The following RHD variants were observed in gnomAD, a reference collection of about 807,000 sequenced individuals.
RHD encodes blood group Rh(D) polypeptide.
In RHD, 16 loss-of-function variants were observed where a neutral mutation model predicts 45.5. The ratio of observed to expected loss-of-function variants is 0.35; its 90% CI spans 0.24 to 0.53. The LOEUF (loss-of-function observed/expected upper bound fraction) is 0.53, where lower values mean the gene tolerates loss of function less well. Among genes scored for constraint, RHD ranks in the 20% least tolerant of loss-of-function variants. The pLI is 0.92. For missense variants in RHD, 306 were observed against 532.0 expected, an observed-to-expected ratio of 0.58 and a Z score of 4.18; for synonymous variants, 131 against 217.5, an observed-to-expected ratio of 0.60 and a Z score of 3.50.
At chr1:25,322,183 A>G (rs898643039) in intron 9 of RHD, among the ~76,000 whole-genome samples, 2 of 131,472 alleles carry the variant, frequency 1.5e-5, no homozygotes, top group African/African-American at 5.2e-5. Flanking sequence ...TGATACCTCA[A>G]ATTCATTCAG....
chr1:25,312,941 A>AAAAAAAAAAAAAAAC (rs1301877779), intron 7 of RHD, among the ~76,000 whole-genome samples: 4 of 109,426 alleles, frequency 3.7e-5, no homozygotes, highest in Non-Finnish European at 6.7e-5. Flanking sequence ...AAAAAAAAAA[A>AAAAAAAAAAAAAAAC]AAAAAAAAAA....
chr1:25,301,872 G>A (rs529420905), intron 5 of RHD, among the ~76,000 whole-genome samples, 186 bp downstream of exon 5: 1 of 131,940 alleles, frequency 7.6e-6, no homozygotes, highest in African/African-American at 2.6e-5. Context: ...TGGGACTCAG[G>A]AGACTGTCCA....
chr1:25,274,374 A>T lies in RHD; in HGVS notation c.148+1679A>T, dbSNP rs1640753811. On this transcript the variant is annotated intron_variant, in intron 1 of 9. Coordinates refer to ENST00000328664, the MANE Select transcript of RHD (RefSeq NM_016124.6). Reference sequence around the variant, plus strand: ...TTTACAGTGGGCTTGAGTCTTTGTCATATAACCCAGTAGGTTAGCAGCCAC... The same window carrying T: ...TTTACAGTGGGCTTGAGTCTTTGTCTTATAACCCAGTAGGTTAGCAGCCAC... Among the ~76,000 whole-genome samples the T allele has an allele frequency of 3.0e-5, 4 of 132,672 alleles. No individual in the cohort carries two copies. The South Asian group carries it at 9.2e-4, about 31-fold the overall frequency. The allele number at this position is 132,672 out of a possible 152,430, so 87.0% of individuals were successfully genotyped here. A position where few individuals can be genotyped will look rare whatever the true frequency, so the allele number is the denominator to read the frequency against.
rs1640852380 is a variant in RHD, at chr1:25,275,173, C to T, written c.148+2478C>T. 1.5e-5 allele frequency among the ~76,000 whole-genome samples: 2 copies of T among 131,724 alleles called. 1 individual carries two copies. The highest frequency in any genetic ancestry group is 3.6e-5 in the Non-Finnish European group (2 of 55,672). 86.4% of individuals were successfully genotyped at this position (131,724 alleles called of 152,430 possible). On this transcript the variant is annotated intron_variant, in intron 1 of 9. Coordinates refer to ENST00000328664, the MANE Select transcript of RHD (RefSeq NM_016124.6). ...GATGTGGTGGCACGTGCCTGTAGTC[C>T]CAGCTGCTTGGGAAGCTGAGGGAGG...
Position 25,321,751 on chromosome 1 carries a change from T to C in RHD, c.1154-138T>C, listed in dbSNP as rs1442219150. ...TGGTCCAGGAATGACAGGGCTTCCA[T>C]TTATTTGTCTTTCAATTGTGGGAGA... On this transcript the variant is annotated intron_variant, in intron 8 of 9. Transcript: ENST00000328664. 11 of 439,598 alleles carry C rather than the reference T, an allele frequency of 2.5e-5. No homozygotes were observed. In the East Asian group the frequency reaches 2.8e-4, roughly 11 times the overall value. 27.2% of individuals were successfully genotyped at this position (439,598 alleles called of 1,614,324 possible). A position where few individuals can be genotyped will look rare whatever the true frequency, so the allele number is the denominator to read the frequency against.
chr1:25,274,891 G>C lies in RHD; in HGVS notation c.148+2196G>C, dbSNP rs759019696. 2.3e-5 allele frequency among the ~76,000 whole-genome samples: 3 copies of C among 129,350 alleles called. 1 individual carries two copies. The highest frequency in any genetic ancestry group is 5.5e-5 in the Non-Finnish European group (3 of 54,524). The allele number at this position is 129,350 out of a possible 152,430, so 84.9% of individuals were successfully genotyped here. On this transcript the variant is annotated intron_variant, in intron 1 of 9. Transcript: ENST00000328664. ...GTGTGGTGGCACACGTCTATAATCC[G>C]AGCTACTTGGGAGGCCATTACACTC...
Position 25,296,911 on chromosome 1 carries a change from T to A in RHD, c.487-4035T>A. ...GTCTCAGGAAGTATCTTTATAGCAG[T>A]GTGAAAACAGACTAACACAATTTCC... On this transcript the variant is annotated intron_variant, in intron 3 of 9. Coordinates refer to ENST00000328664, the MANE Select transcript of RHD (RefSeq NM_016124.6). Among the ~76,000 whole-genome samples, 2 of 130,524 alleles carry A rather than the reference T, an allele frequency of 1.5e-5. 1 individual carries two copies. Among genetic ancestry groups the A allele is most frequent in the Non-Finnish European group, 3.6e-5 (2 of 55,488 alleles). The allele number at this position is 130,524 out of a possible 152,430, so 85.6% of individuals were successfully genotyped here.
chr1:25,320,418 G>A (rs571129251), intron 8 of RHD, among the ~76,000 whole-genome samples: 1 of 132,224 alleles, frequency 7.6e-6, no homozygotes, highest in South Asian at 2.3e-4. Flanking sequence ...TCAGTGATGA[G>A]TAAGCCTCAG....
intron 8 of RHD, 116 bp from the exon 9 acceptor site, chr1:25,321,773 G>C: frequency 1.9e-6 from 1 of 524,334 alleles, no homozygotes; most frequent in South Asian, 1.9e-5. Context: ...TCAATTGTGG[G>C]AGAAAAAGGA....
intron 2 of RHD, among the ~76,000 whole-genome samples, chr1:25,289,990 G>A (rs1232110026): frequency 7.8e-6 from 1 of 128,764 alleles, no homozygotes; most frequent in Admixed American, 7.5e-5. Flanking sequence ...CACACCGATA[G>A]GAAGAATACT....
Position 25,307,109 on chromosome 1 carries a change from T to C in RHD, c.1073+380T>C, listed in dbSNP as rs1353166350. On this transcript the variant is annotated intron_variant, in intron 7 of 9. Coordinates refer to ENST00000328664, the MANE Select transcript of RHD (RefSeq NM_016124.6). ...CTAGCTGGGCATGTGGCTTAACCTT[T>C]CTCAGCCTCAGTCGCCCCATTGTAA... Among the ~76,000 whole-genome samples the C allele has an allele frequency of 2.3e-5, 3 of 132,752 alleles. 1 individual carries two copies. Among genetic ancestry groups the C allele is most frequent in the Non-Finnish European group, 5.3e-5 (3 of 56,090 alleles). The allele number at this position is 132,752 out of a possible 152,430, so 87.1% of individuals were successfully genotyped here.
intron 1 of RHD, among the ~76,000 whole-genome samples, chr1:25,283,393 C>A (rs1292874920): frequency 7.7e-6 from 1 of 130,650 alleles, no homozygotes. Context: ...TAGCCGGGCA[C>A]GGTGGCAGGC....
intron 1 of RHD, among the ~76,000 whole-genome samples, chr1:25,276,723 A>G (rs71652362): frequency 7.7e-6 from 1 of 129,290 alleles, no homozygotes; most frequent in South Asian, 2.3e-4. Flanking sequence ...CAAAAAAAAT[A>G]AAAATATTTG....
Position 25,290,170 on chromosome 1 carries a change from C to T in RHD, c.336-471C>T, listed in dbSNP as rs138052904. 9.3e-5 allele frequency among the ~76,000 whole-genome samples: 12 copies of T among 128,950 alleles called. 3 individuals carry two copies. Among genetic ancestry groups the T allele is most frequent in the Middle Eastern group, 7.5e-3 (2 of 268 alleles). 84.6% of individuals were successfully genotyped at this position (128,950 alleles called of 152,430 possible). Reference sequence around the variant, plus strand: ...CAGTTTCTTTCCACTGCCACGGAGACGGAGAGAAGGGACAGTGGCCCCAGA... The same window carrying T: ...CAGTTTCTTTCCACTGCCACGGAGATGGAGAGAAGGGACAGTGGCCCCAGA... On this transcript the variant is annotated intron_variant, in intron 2 of 9. Transcript: ENST00000328664.
At position 25,310,019 on chromosome 1, in the gene RHD, T is replaced by C. The variant is rs1394954449; in HGVS notation, c.1073+3290T>C. Among the ~76,000 whole-genome samples, 4 of 132,868 alleles carry C rather than the reference T, an allele frequency of 3.0e-5. 1 individual carries two copies. The highest frequency in any genetic ancestry group is 7.3e-5 in the Admixed American group (1 of 13,616). The allele number at this position is 132,868 out of a possible 152,430, so 87.2% of individuals were successfully genotyped here. On this transcript the variant is annotated intron_variant, in intron 7 of 9. Transcript: ENST00000328664. The stretch of plus-strand genomic sequence containing the variant: ...AACCCAACTTATATAGTATAAGCTA[T>C]ATCCAGAAAAGTGCAAATATCATAC...
In RHD at chr1:25,284,735, G is replaced by C. The variant is rs774490491; in HGVS notation, c.311G>C (p.Gly104Ala). The C allele has an allele frequency of 2.9e-6, 4 of 1,388,758 alleles. No individual in the cohort carries two copies. The Admixed American group carries it at 5.3e-5, about 18-fold the overall frequency. 86.0% of individuals were successfully genotyped at this position (1,388,758 alleles called of 1,614,324 possible). A position where few individuals can be genotyped will look rare whatever the true frequency, so the allele number is the denominator to read the frequency against. ...GGCTTCCTGAGCCAGTTCCCTTCTG[G>C]GAAGGTGGTCATCACACTGTTCAGG... is the stretch of plus-strand genomic sequence containing the variant. ...LDGFLSQFPS[G>A]KVVITLFSIR... The change falls in exon 2 of 10, where the codon GGG (glycine) becomes GCG (alanine). Residue 104 changes from glycine to alanine, a missense_variant. Coordinates refer to ENST00000328664, the MANE Select transcript of RHD (RefSeq NM_016124.6).
chr1:25,287,867 C>T (rs532040548), intron 2 of RHD, among the ~76,000 whole-genome samples: 1 of 115,806 alleles, frequency 8.6e-6, no homozygotes, highest in South Asian at 2.9e-4. Flanking sequence ...TTTTTACAGG[C>T]GCCTGCTACC....
In RHD at chr1:25,287,879, T is replaced by C. The variant is rs1483525261; in HGVS notation, c.336-2762T>C. On this transcript the variant is annotated intron_variant, in intron 2 of 9. Transcript: ENST00000328664. ...ATTTTTTTACAGGCGCCTGCTACCA[T>C]GCCCTGCTAATTTTTGTATTTTTAG... Among the ~76,000 whole-genome samples the C allele has an allele frequency of 3.2e-5, 4 of 126,816 alleles. 1 individual carries two copies. Among genetic ancestry groups the C allele is most frequent in the Admixed American group, 1.5e-4 (2 of 13,024 alleles). The allele number at this position is 126,816 out of a possible 152,430, so 83.2% of individuals were successfully genotyped here. A position where few individuals can be genotyped will look rare whatever the true frequency, so the allele number is the denominator to read the frequency against.
intron 1 of RHD, among the ~76,000 whole-genome samples, chr1:25,282,909 C>G (rs1007566662): frequency 7.6e-6 from 1 of 130,916 alleles, no homozygotes; most frequent in African/African-American, 2.6e-5. Flanking sequence ...AAAAAATTGT[C>G]TACATGCTGG....
Sources: allele counts gnomAD v4.1 joint callset (sites outside exome capture counted in the v4.1 genomes callset), GRCh38; gene constraint gnomAD v4.1.1; transcripts MANE v1.5; gene names NCBI Gene and HGNC (gene_info 2026-07-23, HGNC 2026-07-21).